HOOK2: variants seen among roughly 807,000 people sequenced by gnomAD.
HOOK2 encodes the protein hook microtubule tethering protein 2, also known as protein Hook homolog 2.
A neutral mutation model predicts 111.9 loss-of-function variants in HOOK2; 108 were observed. The ratio of observed to expected loss-of-function variants is 0.96; its 90% CI spans 0.83 to 1.13. The LOEUF (loss-of-function observed/expected upper bound fraction) is 1.13. Ranked by LOEUF, HOOK2 falls within the 50% of genes most tolerant of loss-of-function variation. The probability of loss-of-function intolerance (pLI) is 0.00; values close to 1 mark genes in which losing one functional copy is unlikely to be tolerated. For missense variants in HOOK2, 978 were observed against 951.3 expected (o/e 1.03, Z -0.37); for synonymous variants, 405 against 394.3 (o/e 1.03, Z -0.32).
In HOOK2 at chr19:12,771,023, T is replaced by G. The variant is rs1382358189; in HGVS notation, c.811A>C (p.Arg271=). 5 of 1,613,040 alleles carry G rather than the reference T, an allele frequency of 3.1e-6. No individual in the cohort carries two copies. In the African/African-American group the frequency reaches 6.7e-5, roughly 22 times the overall value. The change falls in exon 10 of 23, where the codon AGG becomes CGG. Residue 271 remains arginine (R), a synonymous_variant. Transcript: ENST00000397668. ...CGGTGCTGCAGCTCCGCAACCTCCC[T>G]CTCCAGCTCGGCACAGCGCAGGCGC... ...DERLRCAELE[R]EVAELQHRNQ... is the part of the protein sequence containing the mutation.
chr19:12,767,311 A>G, intron 14 of HOOK2, 84 bp downstream of exon 14: 2 of 1,169,760 alleles, frequency 1.7e-6, no homozygotes, highest in Non-Finnish European at 2.5e-6. Flanking sequence ...CGGGGCTAGC[A>G]GAAGATGGGA....
At chr19:12,774,032 C>A (rs1184652439) in intron 3 of HOOK2, 1 of 155,100 alleles carries the variant, frequency 6.4e-6, no homozygotes, top group Non-Finnish European at 1.4e-5. Flanking sequence ...ATTGCTCTCT[C>A]TCAAAGCCCT....
At chr19:12,778,848 T>C (rs1450184079), upstream of HOOK2, among the ~76,000 whole-genome samples, 1 of 152,130 alleles carries the variant, frequency 6.6e-6, no homozygotes, top group African/African-American at 2.4e-5. Flanking sequence ...AGCATAACCC[T>C]CCATTTTGCG....
chr19:12,769,563 C>T lies in HOOK2; in HGVS notation c.1104+318G>A, dbSNP rs188600293. ...TCAGCCTCCCAAAGCGCTGGGATACCAGGCCTGGCCTTTATGCATTTTAGG... is the reference window on the plus strand; with the variant it reads ...TCAGCCTCCCAAAGCGCTGGGATACTAGGCCTGGCCTTTATGCATTTTAGG... On this transcript the variant is annotated intron_variant, in intron 11 of 22. Coordinates refer to ENST00000397668, the MANE Select transcript of HOOK2 (RefSeq NM_013312.3). 2.6e-3 allele frequency among the ~76,000 whole-genome samples: 400 copies of T among 152,346 alleles called. 5 individuals are homozygous for T. Among genetic ancestry groups the T allele is most frequent in the Non-Finnish European group, 1.5e-3 (100 of 68,044 alleles).
rs754642377 is a variant in HOOK2 at position 12,772,698 on chromosome 19, G to A, written c.389-18C>T. Reference sequence around the variant, plus strand: ...GATGTGGTCTGGGGATCAAGGTGGGGGAGGCTGAGACCCAGGGGTGAGGTG... The same window carrying A: ...GATGTGGTCTGGGGATCAAGGTGGGAGAGGCTGAGACCCAGGGGTGAGGTG... On this transcript the variant is annotated intron_variant, in intron 5 of 22. Transcript: ENST00000397668. 1.9e-5 allele frequency: 30 copies of A among 1,614,090 alleles called. No homozygotes were observed. The South Asian group carries it at 3.2e-4, about 17-fold the overall frequency.
At chr19:12,779,799 G>A (rs927069497), upstream of HOOK2, among the ~76,000 whole-genome samples, 2 of 152,102 alleles carry the variant, frequency 1.3e-5, no homozygotes, top group African/African-American at 2.4e-5. Flanking sequence ...GGCTGGTTTC[G>A]GGGACTGGGG....
chr19:12,763,055 C>G lies in HOOK2; in HGVS notation c.*227G>C, dbSNP rs1968041889. 1 of 543,968 alleles carries G rather than the reference C, an allele frequency of 1.8e-6. No homozygotes were observed. The highest frequency in any genetic ancestry group is 3.2e-6 in the Non-Finnish European group (1 of 310,414). The allele number at this position is 543,968 out of a possible 1,614,324, so 33.7% of individuals were successfully genotyped here. On this transcript the variant is annotated 3_prime_UTR_variant, in exon 23 of 23. Coordinates refer to ENST00000397668, the MANE Select transcript of HOOK2 (RefSeq NM_013312.3). ...AATATAAAATCAGAGTCTCCTGAGG[C>G]AGCACATGAACTCCAGAGAGAGAAT...
chr19:12,768,409 A>C (rs1968220120), intron 11 of HOOK2, among the ~76,000 whole-genome samples: 1 of 152,168 alleles, frequency 6.6e-6, no homozygotes, highest in Middle Eastern at 3.4e-3. Context: ...GTGAATGTTA[A>C]TAGTAGGAAC....
At chr19:12,783,235 T>A (rs1968624701), upstream of HOOK2, among the ~76,000 whole-genome samples, 1 of 151,264 alleles carries the variant, frequency 6.6e-6, no homozygotes, top group Non-Finnish European at 1.5e-5. Flanking sequence ...GGGACTTCGC[T>A]CTCCGCGGGG....
At chr19:12,768,495 A>G (rs1348061224) in intron 11 of HOOK2, among the ~76,000 whole-genome samples, 1 of 152,234 alleles carries the variant, frequency 6.6e-6, no homozygotes, top group Non-Finnish European at 1.5e-5. Flanking sequence ...ACGCTTTATT[A>G]TAAAATAGGC....
chr19:12,788,897 AG>A (rs1968679514), intron 3 of HOOK2, among the ~76,000 whole-genome samples: 1 of 151,884 alleles, frequency 6.6e-6, no homozygotes, highest in South Asian at 2.1e-4. Flanking sequence ...GGAAGAAGGG[AG>A]GGGGCATTTA....
chr19:12,773,374 CAGTAGCTGG>C, intron 3 of HOOK2: 1 of 296,822 alleles, frequency 3.4e-6, no homozygotes, highest in South Asian at 4.0e-5. Flanking sequence ...CTCTGCCTCC[CAGTAGCTGG>C]GACTACAGGC....
chr19:12,775,660 C>T (rs989181092), upstream of HOOK2: 1 of 434,716 alleles, frequency 2.3e-6, no homozygotes, highest in Admixed American at 4.7e-5. Flanking sequence ...TTGCCTCCAG[C>T]CCCGCCATCT....
At position 12,767,298 on chromosome 19, in the gene HOOK2, A is replaced by C. The variant is rs1968183557; in HGVS notation, c.1373+97T>G. The C allele has an allele frequency of 3.8e-6, 4 of 1,047,564 alleles. 1 individual carries two copies. In the East Asian group the frequency reaches 9.9e-5, roughly 26 times the overall value. 64.9% of individuals were successfully genotyped at this position (1,047,564 alleles called of 1,614,324 possible). ...CTGGCACCTGGAGCTGAGACCAAGC[A>C]ACCGGGGCTAGCAGAAGATGGGAGG... On this transcript the variant is annotated intron_variant, in intron 14 of 22. Transcript: ENST00000397668.
At chr19:12,765,280 C>A in intron 18 of HOOK2, 199 bp from the exon 19 acceptor site, 1 of 617,986 alleles carries the variant, frequency 1.6e-6, no homozygotes, top group East Asian at 2.7e-5. Flanking sequence ...CCCTCCGCAC[C>A]CTTAGCAGGT....
intron 3 of HOOK2, chr19:12,774,164 G>C (rs535997713): frequency 1.1e-3 from 179 of 168,676 alleles, no homozygotes; most frequent in South Asian, 1.0e-2. Context: ...GGAGTGCAAT[G>C]GCTCAATCTC....
intron 3 of HOOK2, 42 bp downstream of exon 3, chr19:12,774,627 C>T (rs371569227): frequency 2.2e-5 from 36 of 1,604,038 alleles, no homozygotes; most frequent in Non-Finnish European, 2.8e-5. Context: ...CCCTGGTCAT[C>T]TCTTCACCAG....
At chr19:12,774,776 GA>G (rs1294917467) in intron 2 of HOOK2, 35 bp from the exon 3 acceptor site, 1 of 1,613,060 alleles carries the variant, frequency 6.2e-7, no homozygotes, top group African/African-American at 1.3e-5. Flanking sequence ...CAGACTGGGG[GA>G]CACTTTTGGG....
At chr19:12,765,420 G>A in intron 18 of HOOK2, 1 of 588,610 alleles carries the variant, frequency 1.7e-6, no homozygotes, top group Non-Finnish European at 3.0e-6. Flanking sequence ...GATCTTTCTA[G>A]AATACAAATC....
Sources: allele counts gnomAD v4.1 joint callset (sites outside exome capture counted in the v4.1 genomes callset), GRCh38; gene constraint gnomAD v4.1.1; transcripts MANE v1.5; gene names NCBI Gene and HGNC (gene_info 2026-07-23, HGNC 2026-07-21).